The following GPHN variants were observed in gnomAD, a reference collection of about 807,000 sequenced individuals.
GPHN encodes gephyrin.
Under a neutral mutation model 95.5 loss-of-function variants are expected in GPHN, and 17 were observed. The observed-to-expected ratio is 0.18, with a 90% CI of 0.12 to 0.27. GPHN has a LOEUF of 0.27. GPHN is among the 10% of genes least tolerant of loss of function. The probability of loss-of-function intolerance (pLI) is 1.00; values close to 1 mark genes in which losing one functional copy is unlikely to be tolerated. For synonymous variants in GPHN, 320 were observed against 322.5 expected (o/e 0.99, Z 0.08); for missense variants, 660 against 978.1 (o/e 0.67, Z 4.34).
At chr14:66,769,712 CTTTA>C (rs1251732105) in intron 2 of GPHN, among the ~76,000 whole-genome samples, 1 of 152,036 alleles carries the variant, frequency 6.6e-6, no homozygotes, top group East Asian at 1.9e-4. Context: ...TGTACATTTT[CTTTA>C]TTCAGTCTAC....
chr14:67,011,787 A>T (rs1467210189), intron 9 of GPHN, among the ~76,000 whole-genome samples: 1 of 152,080 alleles, frequency 6.6e-6, no homozygotes, highest in Admixed American at 6.6e-5. Context: ...GATAGAATAC[A>T]CAGACCCACT....
At chr14:67,474,302 C>T in the GPHN span, among the ~76,000 whole-genome samples, 1 of 151,802 alleles carries the variant, frequency 6.6e-6, no homozygotes, top group East Asian at 1.9e-4. Flanking sequence ...ATAACCCACC[C>T]ACCCCACTGA....
At chr14:66,958,174 A>T (rs2068660640) in intron 8 of GPHN, among the ~76,000 whole-genome samples, 1 of 151,922 alleles carries the variant, frequency 6.6e-6, no homozygotes, top group Non-Finnish European at 1.5e-5. Flanking sequence ...TGCTTTATGT[A>T]TTTTTTTAAT....
At chr14:66,985,387 G>A (rs1176069832) in intron 9 of GPHN, among the ~76,000 whole-genome samples, 1 of 152,086 alleles carries the variant, frequency 6.6e-6, no homozygotes, top group Non-Finnish European at 1.5e-5. Flanking sequence ...TAAGCCAAAT[G>A]CAAATGTAAC....
the GPHN span, among the ~76,000 whole-genome samples, chr14:67,606,897 C>T: frequency 6.6e-6 from 1 of 152,168 alleles, no homozygotes; most frequent in African/African-American, 2.4e-5. Flanking sequence ...CTGCCCACCT[C>T]GGCCTCCCAA....
At chr14:67,589,706 T>C in the GPHN span, 10 of 999,660 alleles carry the variant, frequency 1.0e-5, no homozygotes, top group African/African-American at 1.7e-5. Flanking sequence ...TTGGAAAATA[T>C]AGCTTTCTCA....
chr14:67,727,136 C>T, the GPHN span: 1 of 1,614,176 alleles, frequency 6.2e-7, no homozygotes, highest in South Asian at 1.1e-5. Context: ...TGCCTATTGC[C>T]ACAGCAAGCT....
the GPHN span, chr14:67,577,881 C>A: frequency 1.2e-5 from 8 of 684,368 alleles, no homozygotes; most frequent in Non-Finnish European, 1.5e-5. Flanking sequence ...GAGATGCCCT[C>A]CAACAGTAGC....
At chr14:67,690,800 T>A in the GPHN span, 1 of 372,584 alleles carries the variant, frequency 2.7e-6, no homozygotes, top group Non-Finnish European at 4.9e-6. Context: ...CTGGGCAACA[T>A]AGCAAGACCC....
At chr14:67,242,114 A>C in the GPHN span, 31,969 of 152,188 alleles carry the variant, frequency 0.21, 5,075 homozygotes, top group East Asian at 0.45. Flanking sequence ...ACTTTGAAGC[A>C]TGTAAATTGT....
At chr14:67,362,272 G>A in the GPHN span, among the ~76,000 whole-genome samples, 3 of 151,746 alleles carry the variant, frequency 2.0e-5, no homozygotes, top group South Asian at 4.2e-4. Context: ...CACCCGCCTC[G>A]GCCTCCCAAA....
At chr14:67,224,980 C>A in the GPHN span, 1 of 709,036 alleles carries the variant, frequency 1.4e-6, no homozygotes, top group Non-Finnish European at 2.3e-6. Flanking sequence ...AGAACATAAT[C>A]TGAATTTAAT....
the GPHN span, among the ~76,000 whole-genome samples, chr14:67,631,430 C>CTTTTTTTTTTT: frequency 2.3e-5 from 3 of 128,490 alleles, no homozygotes; most frequent in East Asian, 2.3e-4. Flanking sequence ...TCCTTTCTTT[C>CTTTTTTTTTTT]TTTCTTTTTT....
rs151255726 is a variant in GPHN, at chr14:66,880,425, A to G, written c.389+392A>G. Among the ~76,000 whole-genome samples, 468 of 151,968 alleles carry G rather than the reference A, an allele frequency of 3.1e-3. 10 individuals are homozygous for G. The highest frequency in any genetic ancestry group is 0.011 in the African/African-American group (443 of 41,490). ...AGAGACTGTCATATTACTACTGGTA[A>G]AAGTTATCAATTCCTAACCCAGAGA... On this transcript the variant is annotated intron_variant, in intron 5 of 22. Transcript: ENST00000478722.
At chr14:66,587,020 A>G (rs1444968363) in intron 1 of GPHN, among the ~76,000 whole-genome samples, 1 of 152,140 alleles carries the variant, frequency 6.6e-6, no homozygotes, top group Non-Finnish European at 1.5e-5. Flanking sequence ...ATGACAGAAG[A>G]CTGAAATATA....
the GPHN span, among the ~76,000 whole-genome samples, chr14:67,635,408 C>A: frequency 6.6e-6 from 1 of 152,186 alleles, no homozygotes; most frequent in Non-Finnish European, 1.5e-5. Context: ...AAGAGAAATT[C>A]TACTTACTTC....
the GPHN span, chr14:67,393,370 G>C: frequency 1.4e-6 from 1 of 723,982 alleles, no homozygotes; most frequent in African/African-American, 1.7e-5. Flanking sequence ...AAAGAAAAGG[G>C]GTGTAGGAAA....
the GPHN span, chr14:67,662,386 AG>A: frequency 3.6e-5 from 41 of 1,128,608 alleles, no homozygotes; most frequent in Admixed American, 9.2e-4. Context: ...ATCAATGGAC[AG>A]GAACAGTTAA....
At chr14:67,724,608 T>C in the GPHN span, 4 of 1,584,670 alleles carry the variant, frequency 2.5e-6, no homozygotes. Context: ...GTTTCCCCTT[T>C]AGTCTCCAAA....
Sources: allele counts gnomAD v4.1 joint callset (sites outside exome capture counted in the v4.1 genomes callset), GRCh38; gene constraint gnomAD v4.1.1; transcripts MANE v1.5; gene names NCBI Gene and HGNC (gene_info 2026-07-23, HGNC 2026-07-21).